The following RAPGEF5 variants were observed in gnomAD, a reference collection of about 807,000 sequenced individuals.
RAPGEF5 encodes the protein Rap guanine nucleotide exchange factor 5.
A neutral mutation model predicts 125.2 loss-of-function variants in RAPGEF5; 65 were observed. The observed-to-expected ratio is 0.52, with a 90% CI of 0.43 to 0.64. The LOEUF is 0.64. RAPGEF5 is among the 30% of genes least tolerant of loss of function. RAPGEF5 has a pLI of 0.00. For missense variants in RAPGEF5, 958 were observed against 1,048.1 expected, an observed-to-expected ratio of 0.91 and a Z score of 1.19; for synonymous variants, 391 against 385.9, an observed-to-expected ratio of 1.01 and a Z score of -0.16.
At chr7:22,177,571 A>G (rs11976680) in intron 11 of RAPGEF5, among the ~76,000 whole-genome samples, 7 of 152,040 alleles carry the variant, frequency 4.6e-5, no homozygotes, top group African/African-American at 1.7e-4. Context: ...ATTGACCACA[A>G]ACTGTGCCAG....
intron 16 of RAPGEF5, among the ~76,000 whole-genome samples, chr7:22,154,956 G>A (rs938738577): frequency 6.6e-6 from 1 of 152,204 alleles, no homozygotes; most frequent in African/African-American, 2.4e-5. Flanking sequence ...TACACAGACT[G>A]TATTTTTAAA....
intron 1 of RAPGEF5, among the ~76,000 whole-genome samples, chr7:22,335,178 G>C (rs1425817008): frequency 6.6e-6 from 1 of 152,206 alleles, no homozygotes; most frequent in East Asian, 1.9e-4. Context: ...ACAATCAAGA[G>C]CACTTGCAAA....
intron 17 of RAPGEF5, among the ~76,000 whole-genome samples, chr7:22,152,661 T>C (rs908028856): frequency 6.6e-6 from 1 of 152,214 alleles, no homozygotes; most frequent in Non-Finnish European, 1.5e-5. Context: ...ATCTCTGATA[T>C]CTTAAAACTT....
At chr7:22,306,173 AC>A (rs1248472667) in intron 5 of RAPGEF5, among the ~76,000 whole-genome samples, 1 of 152,232 alleles carries the variant, frequency 6.6e-6, no homozygotes, top group Non-Finnish European at 1.5e-5. Context: ...CCAACAGTGT[AC>A]AAGGGTTCCC....
At chr7:22,143,016 C>A (rs934918017) in intron 20 of RAPGEF5, among the ~76,000 whole-genome samples, 1 of 152,180 alleles carries the variant, frequency 6.6e-6, no homozygotes, top group Non-Finnish European at 1.5e-5. Context: ...GAATATATTT[C>A]ATTTCCCTGA....
At chr7:22,128,990 C>G (rs924782834) in intron 24 of RAPGEF5, among the ~76,000 whole-genome samples, 1 of 151,984 alleles carries the variant, frequency 6.6e-6, no homozygotes, top group Non-Finnish European at 1.5e-5. Context: ...CCTTCATTTC[C>G]AGCCCTATGG....
intron 8 of RAPGEF5, among the ~76,000 whole-genome samples, chr7:22,228,291 T>C (rs981708084): frequency 6.6e-6 from 1 of 152,344 alleles, no homozygotes; most frequent in Admixed American, 6.5e-5. Flanking sequence ...GCCCCGTCCC[T>C]TACCGGCACA....
intron 9 of RAPGEF5, among the ~76,000 whole-genome samples, chr7:22,216,105 C>A (rs1785631940): frequency 6.6e-6 from 1 of 152,142 alleles, no homozygotes; most frequent in South Asian, 2.1e-4. Flanking sequence ...ACATTTACTC[C>A]CTCCTCAGTT....
At position 22,288,986 on chromosome 7, in the gene RAPGEF5, T is replaced by C. The variant is rs79192567; in HGVS notation, c.747+2189A>G. Among the ~76,000 whole-genome samples, 845 of 152,328 alleles carry C rather than the reference T, an allele frequency of 5.5e-3. 10 individuals are homozygous for C. The highest frequency in any genetic ancestry group is 0.019 in the African/African-American group (804 of 41,576). ...GTCTACTTACATTTTTTCATTGTAC[T>C]TTCTCATTCCTATGCTTGCCCACAA... On this transcript the variant is annotated intron_variant, in intron 6 of 25. Coordinates refer to ENST00000665637, the MANE Select transcript of RAPGEF5 (RefSeq NM_012294.5).
intron 10 of RAPGEF5, 103 bp from the exon 11 acceptor site, chr7:22,193,558 G>C (rs757506647): frequency 1.3e-6 from 2 of 1,551,656 alleles, no homozygotes; most frequent in Non-Finnish European, 1.7e-6. Flanking sequence ...TTTGAAATAA[G>C]GCACATCGAA....
chr7:22,308,044 C>T (rs1783382406), intron 5 of RAPGEF5, among the ~76,000 whole-genome samples: 1 of 152,062 alleles, frequency 6.6e-6, no homozygotes, highest in South Asian at 2.1e-4. Flanking sequence ...CAACTTAAGC[C>T]CAATCATATG....
chr7:22,212,274 C>T (rs553210940), intron 9 of RAPGEF5, among the ~76,000 whole-genome samples: 3 of 152,146 alleles, frequency 2.0e-5, no homozygotes, highest in Non-Finnish European at 4.4e-5. Flanking sequence ...CACCCGGCCT[C>T]ACATGTGTTC....
At chr7:22,286,121 T>C (rs1008588878) in intron 6 of RAPGEF5, among the ~76,000 whole-genome samples, 1 of 152,190 alleles carries the variant, frequency 6.6e-6, no homozygotes, top group Non-Finnish European at 1.5e-5. Flanking sequence ...AGTAGCGCAA[T>C]GGATAACGCG....
Position 22,193,901 on chromosome 7 carries a change from A to G in RAPGEF5, c.1115+14T>C, listed in dbSNP as rs768517013. 3.7e-6 allele frequency: 6 copies of G among 1,613,002 alleles called. No homozygotes were observed. Among genetic ancestry groups the G allele is most frequent in the Admixed American group, 1.7e-5 (1 of 59,930 alleles). ...CGGGAGCGCGTGCCTCTGTGGCTGCAGGGAAACTCTCACCTCCAATGGCTC... is the reference window on the plus strand; with the variant it reads ...CGGGAGCGCGTGCCTCTGTGGCTGCGGGGAAACTCTCACCTCCAATGGCTC... On this transcript the variant is annotated intron_variant, in intron 10 of 25. Transcript: ENST00000665637.
At chr7:22,270,463 G>A (rs763315512) in intron 6 of RAPGEF5, among the ~76,000 whole-genome samples, 1 of 152,152 alleles carries the variant, frequency 6.6e-6, no homozygotes, top group Non-Finnish European at 1.5e-5. Context: ...CTGTGTTGTT[G>A]GCTAACCTGA....
rs1782930527 is a variant in RAPGEF5 at position 22,291,324 on chromosome 7, A to C, written c.681-83T>G. 4.1e-6 allele frequency: 6 copies of C among 1,463,656 alleles called. No homozygotes were observed. The Admixed American group carries it at 1.6e-4, about 39-fold the overall frequency. 90.7% of individuals were successfully genotyped at this position (1,463,656 alleles called of 1,614,324 possible). A position where few individuals can be genotyped will look rare whatever the true frequency, so the allele number is the denominator to read the frequency against. ...CCAAGTTAGGAAGAATAAAGGGCAA[A>C]TAATGTCATTGTTATTATATTAGCA... On this transcript the variant is annotated intron_variant, in intron 5 of 25. Transcript: ENST00000665637.
chr7:22,213,432 C>A (rs1409848491), intron 9 of RAPGEF5, among the ~76,000 whole-genome samples: 1 of 152,202 alleles, frequency 6.6e-6, no homozygotes, highest in African/African-American at 2.4e-5. Flanking sequence ...TTAGAGACTT[C>A]ATTAAATGCT....
chr7:22,164,071 T>C (rs1229553336), intron 12 of RAPGEF5, among the ~76,000 whole-genome samples: 3 of 152,206 alleles, frequency 2.0e-5, no homozygotes, highest in Non-Finnish European at 2.9e-5. Flanking sequence ...TGGTGGCTGA[T>C]GCCTATAATC....
At chr7:22,292,820 A>T (rs1207569935) in intron 5 of RAPGEF5, among the ~76,000 whole-genome samples, 1 of 152,208 alleles carries the variant, frequency 6.6e-6, no homozygotes, top group East Asian at 1.9e-4. Context: ...CCCAACAGAC[A>T]CCCGAAGTAT....
Sources: gnomAD v4.1 joint callset for allele counts (sites outside exome capture counted in the v4.1 genomes callset) on GRCh38, gnomAD v4.1.1 for gene constraint, MANE v1.5 for transcripts, NCBI Gene and HGNC (gene_info 2026-07-23, HGNC 2026-07-21) for gene names.